The following DGKB variants were observed in gnomAD, a reference collection of about 807,000 sequenced individuals.
DGKB encodes 90 kDa diacylglycerol kinase.
In DGKB, 67 loss-of-function variants were observed where a neutral mutation model predicts 114.3. That is an observed-to-expected ratio of 0.59 (90% CI 0.48 to 0.72). The LOEUF is 0.72. Among genes scored for constraint, DGKB ranks in the 30% least tolerant of loss-of-function variants. DGKB has a pLI of 0.00. For missense variants in DGKB, 907 were observed against 975.2 expected, an observed-to-expected ratio of 0.93 and a Z score of 0.93; for synonymous variants, 398 against 323.1, an observed-to-expected ratio of 1.23 and a Z score of -2.49.
chr7:14,652,241 T>A (rs1814697368), intron 13 of DGKB, among the ~76,000 whole-genome samples: 1 of 152,070 alleles, frequency 6.6e-6, no homozygotes, highest in African/African-American at 2.4e-5. Context: ...ACTACCTGAC[T>A]TCAAACTATA....
At chr7:14,311,941 T>C (rs976091621) in intron 23 of DGKB, among the ~76,000 whole-genome samples, 16 of 152,094 alleles carry the variant, frequency 1.1e-4, no homozygotes, top group Admixed American at 8.5e-4. Context: ...TAGATAATGG[T>C]ATATGACAGT....
At chr7:14,530,791 G>A (rs1405785372) in intron 20 of DGKB, among the ~76,000 whole-genome samples, 1 of 151,446 alleles carries the variant, frequency 6.6e-6, no homozygotes, top group Non-Finnish European at 1.5e-5. Flanking sequence ...CTAATTCGTT[G>A]TTCTTGTATA....
chr7:14,607,682 A>C (rs1381081578), intron 16 of DGKB, among the ~76,000 whole-genome samples, 174 bp from the exon 17 acceptor site: 1 of 151,946 alleles, frequency 6.6e-6, no homozygotes, highest in African/African-American at 2.4e-5. Context: ...ACAGCTCAAT[A>C]GGAATTAATG....
At chr7:14,329,024 ATG>A (rs768638429) in intron 23 of DGKB, among the ~76,000 whole-genome samples, 29 of 152,118 alleles carry the variant, frequency 1.9e-4, no homozygotes, top group Non-Finnish European at 3.5e-4. Flanking sequence ...ATGAGATTCT[ATG>A]TATTTCCACA....
intron 1 of DGKB, among the ~76,000 whole-genome samples, chr7:14,940,341 G>GA (rs1174704236): frequency 7.3e-6 from 1 of 136,240 alleles, no homozygotes; most frequent in Non-Finnish European, 1.7e-5. Flanking sequence ...GAGTCTTCAA[G>GA]CCTTTTTTTT....
chr7:14,204,943 A>G (rs1562609108), intron 23 of DGKB, among the ~76,000 whole-genome samples: 1 of 151,938 alleles, frequency 6.6e-6, no homozygotes, highest in Non-Finnish European at 1.5e-5. Context: ...TTGTGTGTGT[A>G]TGTGTCCACA....
At chr7:14,875,914 G>T (rs147815818) in intron 1 of DGKB, among the ~76,000 whole-genome samples, 171 of 152,148 alleles carry the variant, frequency 1.1e-3, no homozygotes, top group African/African-American at 3.9e-3. Flanking sequence ...ATGTGGCCCA[G>T]GGGAGCCAAA....
intron 1 of DGKB, among the ~76,000 whole-genome samples, chr7:14,870,573 A>T (rs1686752469): frequency 6.6e-6 from 1 of 152,074 alleles, no homozygotes; most frequent in South Asian, 2.1e-4. Flanking sequence ...CGAGGAGGGC[A>T]GATCGCGACA....
chr7:14,903,145 A>G (rs1347381778), upstream of DGKB: 1 of 151,638 alleles, frequency 6.6e-6, no homozygotes, highest in East Asian at 1.9e-4. Context: ...TCCATGACTA[A>G]CGCTCTTCTT....
intron 23 of DGKB, among the ~76,000 whole-genome samples, chr7:14,275,336 A>G (rs904680297): frequency 6.6e-6 from 1 of 152,192 alleles, no homozygotes; most frequent in Admixed American, 6.5e-5. Flanking sequence ...TTTTGTATGA[A>G]TATTTCTTGA....
intron 5 of DGKB, among the ~76,000 whole-genome samples, chr7:14,722,256 T>C (rs12533352): frequency 0.41 from 62,976 of 152,024 alleles, 14,964 homozygotes; most frequent in East Asian, 0.88. Context: ...CTACTCTGTT[T>C]ATTTATCTCT....
chr7:14,244,496 A>T (rs1048989533), intron 23 of DGKB, among the ~76,000 whole-genome samples: 1 of 102,680 alleles, frequency 9.7e-6, no homozygotes, highest in Non-Finnish European at 2.0e-5. Flanking sequence ...CTCTACTAAA[A>T]GTACAAAAAG....
chr7:14,148,654 C>T lies in DGKB; in HGVS notation c.*477G>A, dbSNP rs191851266. 1 of 159,390 alleles carries T rather than the reference C, an allele frequency of 6.3e-6. No individual in the cohort carries two copies. Among genetic ancestry groups the T allele is most frequent in the Admixed American group, 6.1e-5 (1 of 16,284 alleles). The allele number at this position is 159,390 out of a possible 1,614,324, so 9.9% of individuals were successfully genotyped here. On this transcript the variant is annotated 3_prime_UTR_variant, in exon 26 of 26. Coordinates refer to ENST00000402815, the MANE Select transcript of DGKB (RefSeq NM_001350709.2). ...TAAAATCTTCGAATTAAAAGTTTCTCCTCAAGTCATAGGTCACTGATACAC... is the reference window on the plus strand; with the variant it reads ...TAAAATCTTCGAATTAAAAGTTTCTTCTCAAGTCATAGGTCACTGATACAC...
intron 1 of DGKB, among the ~76,000 whole-genome samples, chr7:14,964,113 CCTT>C (rs1186905539): frequency 2.0e-5 from 3 of 150,702 alleles, no homozygotes; most frequent in Non-Finnish European, 1.5e-5. Context: ...CAATCAATCT[CCTT>C]ATCAGTTGAG....
intron 21 of DGKB, among the ~76,000 whole-genome samples, chr7:14,385,443 G>A (rs935035888): frequency 1.3e-5 from 2 of 152,178 alleles, no homozygotes; most frequent in African/African-American, 2.4e-5. Flanking sequence ...TATCATGGCA[G>A]AATCTTCTAA....
At chr7:14,331,706 G>A (rs1370655707) in intron 23 of DGKB, among the ~76,000 whole-genome samples, 1 of 152,110 alleles carries the variant, frequency 6.6e-6, no homozygotes, top group African/African-American at 2.4e-5. Flanking sequence ...AGACATGGGA[G>A]CTAGAAATCA....
chr7:14,838,788 AACTGT>A (rs1847509581), intron 2 of DGKB, among the ~76,000 whole-genome samples: 1 of 152,100 alleles, frequency 6.6e-6, no homozygotes, highest in South Asian at 2.1e-4. Context: ...TACCACTTAT[AACTGT>A]ACAATGACTT....
At chr7:14,351,677 G>A (rs1813460799) in intron 21 of DGKB, among the ~76,000 whole-genome samples, 1 of 152,104 alleles carries the variant, frequency 6.6e-6, no homozygotes, top group African/African-American at 2.4e-5. Flanking sequence ...TGGCATGAAT[G>A]GGAACTTTTA....
At chr7:14,677,378 T>A (rs1320859436) in intron 12 of DGKB, among the ~76,000 whole-genome samples, 1 of 152,034 alleles carries the variant, frequency 6.6e-6, no homozygotes, top group Admixed American at 6.6e-5. Flanking sequence ...CTGGTTCACC[T>A]GTTACACTGG....
Sources: gnomAD v4.1 joint callset for allele counts (sites outside exome capture counted in the v4.1 genomes callset) on GRCh38, gnomAD v4.1.1 for gene constraint, MANE v1.5 for transcripts, NCBI Gene and HGNC (gene_info 2026-07-23, HGNC 2026-07-21) for gene names.